The following CTNNA2 variants were observed in gnomAD, a reference collection of about 807,000 sequenced individuals.
CTNNA2 encodes catenin alpha 2, also known as catenin alpha-2.
In CTNNA2, 42 loss-of-function variants were observed where a neutral mutation model predicts 101.0. The ratio of observed to expected loss-of-function variants is 0.42; its 90% CI spans 0.32 to 0.54. The LOEUF is 0.54. Among genes scored for constraint, CTNNA2 ranks in the 20% least tolerant of loss-of-function variants. The probability of loss-of-function intolerance (pLI) is 0.14; values close to 1 mark genes in which losing one functional copy is unlikely to be tolerated. For missense variants in CTNNA2, 871 were observed against 1,223.1 expected (o/e 0.71, Z 4.29); for synonymous variants, 450 against 456.4 (o/e 0.99, Z 0.18).
In CTNNA2 at chr2:79,869,874, G is replaced by A. The variant is rs745722142; in HGVS notation, c.524G>A (p.Arg175His). The change falls in exon 5 of 19, where the codon CGT (arginine) becomes CAT (histidine). Residue 175 changes from arginine to histidine, a missense_variant. Physicochemically the swap from Arg to His is conservative, Grantham distance 29. Around this residue, in one of 5 missense-constraint regions of CTNNA2, gnomAD observed 647 missense variants for 831.5 expected, o/e 0.78. Transcript: ENST00000402739. Reference sequence around the variant, plus strand: ...ACAAATGAGCAAGACCTTGCAAACCGTTTTAAAGAGTTTGGGAAAGAGATG... The same window carrying A: ...ACAAATGAGCAAGACCTTGCAAACCATTTTAAAGAGTTTGGGAAAGAGATG... The part of the protein sequence containing the change: ...NATNEQDLAN[R>H]FKEFGKEMVK... 47 of 1,613,954 alleles carry A rather than the reference G, an allele frequency of 2.9e-5. No individual in the cohort carries two copies. The highest frequency in any genetic ancestry group is 2.5e-4 in the Admixed American group (15 of 59,996).
At chr2:79,267,876 G>A (rs1488814307) in intron 2 of CTNNA2, among the ~76,000 whole-genome samples, 1 of 152,142 alleles carries the variant, frequency 6.6e-6, no homozygotes, top group Non-Finnish European at 1.5e-5. Flanking sequence ...TGGACACAAA[G>A]ATGCCCTATA....
chr2:79,827,330 G>T (rs924040036), intron 3 of CTNNA2, among the ~76,000 whole-genome samples: 1 of 152,140 alleles, frequency 6.6e-6, no homozygotes, highest in African/African-American at 2.4e-5. Context: ...GAGCCACTGT[G>T]CCCGGCCAGA....
At chr2:80,311,189 A>T (rs1677541428) in intron 7 of CTNNA2, among the ~76,000 whole-genome samples, 1 of 152,144 alleles carries the variant, frequency 6.6e-6, no homozygotes, top group Non-Finnish European at 1.5e-5. Context: ...CTTTGAATAT[A>T]TGGGCGCCCA....
intron 7 of CTNNA2, among the ~76,000 whole-genome samples, chr2:80,218,808 T>C (rs1469982190): frequency 6.6e-6 from 1 of 152,236 alleles, no homozygotes; most frequent in Non-Finnish European, 1.5e-5. Flanking sequence ...AGTGAAAATA[T>C]ATTTAAGAGT....
At chr2:80,104,878 G>T (rs1367826872) in intron 7 of CTNNA2, among the ~76,000 whole-genome samples, 1 of 152,170 alleles carries the variant, frequency 6.6e-6, no homozygotes, top group Non-Finnish European at 1.5e-5. Flanking sequence ...ATTTGTAAAT[G>T]TACATTGTAC....
At chr2:79,461,391 C>T (rs553326617) in intron 4 of CTNNA2, among the ~76,000 whole-genome samples, 2 of 152,106 alleles carry the variant, frequency 1.3e-5, no homozygotes, top group African/African-American at 2.4e-5. Context: ...TGGCAGTGTG[C>T]GAGTGCTTAT....
At chr2:79,566,869 C>T (rs1022977290) in intron 1 of CTNNA2, among the ~76,000 whole-genome samples, 3 of 152,036 alleles carry the variant, frequency 2.0e-5, no homozygotes, top group African/African-American at 7.2e-5. Context: ...AGAATTCCTT[C>T]TATATTTACA....
At chr2:79,917,918 G>A (rs1414946027) in intron 7 of CTNNA2, among the ~76,000 whole-genome samples, 1 of 152,136 alleles carries the variant, frequency 6.6e-6, no homozygotes, top group Non-Finnish European at 1.5e-5. Context: ...TCTGGATACA[G>A]TACCCATCAG....
intron 2 of CTNNA2, among the ~76,000 whole-genome samples, chr2:79,679,578 C>T (rs1408308257): frequency 6.6e-6 from 1 of 152,112 alleles, no homozygotes; most frequent in African/African-American, 2.4e-5. Context: ...GAGCCCCTTT[C>T]CCATCTCTGT....
intron 3 of CTNNA2, among the ~76,000 whole-genome samples, chr2:79,323,049 T>G (rs1206724876): frequency 1.3e-5 from 2 of 152,166 alleles, no homozygotes; most frequent in African/African-American, 4.8e-5. Context: ...AGGAGCAGTG[T>G]AGAGGATAAA....
At chr2:79,888,933 A>G (rs1684092792) in intron 6 of CTNNA2, among the ~76,000 whole-genome samples, 1 of 152,196 alleles carries the variant, frequency 6.6e-6, no homozygotes, top group Non-Finnish European at 1.5e-5. Flanking sequence ...AAATAAGGCC[A>G]CTTATCTAGT....
chr2:79,412,810 A>C (rs1030474215), intron 4 of CTNNA2, among the ~76,000 whole-genome samples: 1 of 152,110 alleles, frequency 6.6e-6, no homozygotes, highest in African/African-American at 2.4e-5. Flanking sequence ...TGGTGAAGGG[A>C]TTAGAAGGCA....
chr2:79,659,629 A>C (rs575741565), intron 2 of CTNNA2, among the ~76,000 whole-genome samples: 1 of 152,252 alleles, frequency 6.6e-6, no homozygotes, highest in East Asian at 1.9e-4. Flanking sequence ...CTTTGTTTTC[A>C]TACTAGGTTC....
intron 3 of CTNNA2, among the ~76,000 whole-genome samples, chr2:79,840,042 C>T (rs1041542638): frequency 6.6e-6 from 1 of 152,160 alleles, no homozygotes; most frequent in African/African-American, 2.4e-5. Context: ...TTATCTGCTC[C>T]ATATTTCCCA....
rs1400674592 is a variant in CTNNA2, at chr2:79,982,328, CACATATAAAACA to C, written c.1056+72532_1056+72543del. On this transcript the variant is annotated intron_variant, in intron 7 of 18. Transcript: ENST00000402739. The stretch of plus-strand genomic sequence containing the variant: ...TAAAACATATATAACATATATAACA[CACATATAAAACA>C]TATATAACCTATATAACCTATATAA... Among the ~76,000 whole-genome samples, 1,246 of 125,772 alleles carry C rather than the reference CACATATAAAACA, an allele frequency of 9.9e-3. 37 individuals carry two copies. Among genetic ancestry groups the C allele is most frequent in the African/African-American group, 0.037 (1,188 of 32,456 alleles). The allele number at this position is 125,772 out of a possible 152,430, so 82.5% of individuals were successfully genotyped here. A position where few individuals can be genotyped will look rare whatever the true frequency, so the allele number is the denominator to read the frequency against.
At chr2:79,860,395 C>T (rs1450424541) in intron 4 of CTNNA2, among the ~76,000 whole-genome samples, 2 of 152,040 alleles carry the variant, frequency 1.3e-5, no homozygotes, top group Non-Finnish European at 2.9e-5. Flanking sequence ...AAATCCAGGG[C>T]GATGACGCCA....
chr2:79,943,369 A>G (rs1292424801), intron 7 of CTNNA2, among the ~76,000 whole-genome samples: 1 of 152,234 alleles, frequency 6.6e-6, no homozygotes, highest in African/African-American at 2.4e-5. Flanking sequence ...CAAATACCAA[A>G]TACTAAAAAG....
intron 15 of CTNNA2, among the ~76,000 whole-genome samples, chr2:80,601,073 A>G (rs1697456576): frequency 6.6e-6 from 1 of 152,140 alleles, no homozygotes; most frequent in Admixed American, 6.5e-5. Context: ...TATTCCCATT[A>G]TGGCAGATTT....
At chr2:79,389,279 A>G (rs1017984499) in intron 4 of CTNNA2, among the ~76,000 whole-genome samples, 1 of 152,210 alleles carries the variant, frequency 6.6e-6, no homozygotes, top group East Asian at 1.9e-4. Context: ...TAAAATAAAC[A>G]GAAAAATAAC....
Sources: gnomAD v4.1 joint callset for allele counts (sites outside exome capture counted in the v4.1 genomes callset) on GRCh38, gnomAD v4.1.1 for gene constraint, gnomAD v4.1.1 regional missense constraint, MANE v1.5 for transcripts, NCBI Gene and HGNC (gene_info 2026-07-23, HGNC 2026-07-21) for gene names.